The following ANKRD55 variants were observed in gnomAD, a reference collection of about 807,000 sequenced individuals.
ANKRD55 encodes ankyrin repeat domain 55, also known as ankyrin repeat domain-containing protein 55.
ANKRD55 carries 41 observed loss-of-function variants against 60.6 expected under a neutral mutation model. The observed-to-expected ratio is 0.68, with a 90% CI of 0.53 to 0.88. The LOEUF (loss-of-function observed/expected upper bound fraction) is 0.88, where lower values mean the gene tolerates loss of function less well. ANKRD55 is among the 40% of genes least tolerant of loss of function. ANKRD55 has a pLI of 0.00. For missense variants in ANKRD55, 732 were observed against 767.6 expected, an observed-to-expected ratio of 0.95 and a Z score of 0.55; for synonymous variants, 264 against 290.3, an observed-to-expected ratio of 0.91 and a Z score of 0.92.
At chr5:56,183,286 C>A (rs1758889879) in intron 3 of ANKRD55, among the ~76,000 whole-genome samples, 1 of 152,178 alleles carries the variant, frequency 6.6e-6, no homozygotes, top group African/African-American at 2.4e-5. Context: ...TCTTTCCGTA[C>A]CTTTTCCTAA....
At chr5:56,164,307 G>A (rs908371172) in intron 5 of ANKRD55, among the ~76,000 whole-genome samples, 3 of 151,906 alleles carry the variant, frequency 2.0e-5, no homozygotes, top group East Asian at 1.9e-4. Context: ...GCTGGCCAGC[G>A]CAGTGACAGG....
chr5:56,111,771 G>C lies in ANKRD55; in HGVS notation c.977C>G (p.Thr326Ser). ...ACTGCTCTGGGAGGGAGGGGGTCGA[G>C]TAGGCTCTGTTCTATGCGAATATAA... ...LLSQESRTEP[T>S]RPPPSQSSRP... The change falls in exon 10 of 12, where the codon ACT becomes AGT. Residue 326 changes from threonine (T) to serine (S), a missense_variant. Physicochemically the swap from Thr to Ser is moderately conservative, Grantham distance 58 (BLOSUM62 1). Around this residue, in one of 3 missense-constraint regions of ANKRD55, gnomAD observed 597 missense variants for 607.5 expected, o/e 0.98. Coordinates refer to ENST00000341048, the MANE Select transcript of ANKRD55 (RefSeq NM_024669.3). The C allele has an allele frequency of 6.6e-7, 1 of 1,512,102 alleles. No homozygotes were observed. Among genetic ancestry groups the C allele is most frequent in the Non-Finnish European group, 8.8e-7 (1 of 1,134,864 alleles). 93.7% of individuals were successfully genotyped at this position (1,512,102 alleles called of 1,614,324 possible).
chr5:56,153,122 A>T lies in ANKRD55; in HGVS notation c.483+6711T>A, dbSNP rs576073678. Among the ~76,000 whole-genome samples the T allele has an allele frequency of 2.6e-5, 4 of 151,268 alleles. No homozygotes were observed. In the South Asian group the frequency reaches 8.4e-4, roughly 32 times the overall value. ...CAACCCAATGGATCAATCGACAAAG[A>T]ATGTAAACAGGCAAGTCACAAAAGA... On this transcript the variant is annotated intron_variant, in intron 6 of 11. Transcript: ENST00000341048.
chr5:56,190,507 G>A (rs1022446856), intron 2 of ANKRD55, among the ~76,000 whole-genome samples: 2 of 152,162 alleles, frequency 1.3e-5, no homozygotes, highest in African/African-American at 2.4e-5. Context: ...TATATATGGT[G>A]TAAAGTAAGG....
chr5:56,145,869 G>C (rs1444454442), intron 6 of ANKRD55, among the ~76,000 whole-genome samples: 1 of 152,128 alleles, frequency 6.6e-6, no homozygotes, highest in Non-Finnish European at 1.5e-5. Flanking sequence ...AACAATGCTG[G>C]TATAAAAGCA....
intron 9 of ANKRD55, chr5:56,114,209 T>A (rs910870468): frequency 6.0e-6 from 1 of 167,040 alleles, no homozygotes. Flanking sequence ...ATGCCTGTAA[T>A]CCCAGCCACT....
chr5:56,144,604 A>G (rs1414772165), intron 6 of ANKRD55, among the ~76,000 whole-genome samples: 2 of 152,202 alleles, frequency 1.3e-5, no homozygotes, highest in African/African-American at 2.4e-5. Context: ...TGCATAACAC[A>G]TTTGGAATTT....
At chr5:56,188,363 T>G (rs160931) in intron 2 of ANKRD55, among the ~76,000 whole-genome samples, 1 of 143,056 alleles carries the variant, frequency 7.0e-6, no homozygotes, top group African/African-American at 2.5e-5. Context: ...GCCACCCCCC[T>G]ACAACCAAAA....
chr5:56,231,220 G>A (rs1030879679), intron 2 of ANKRD55, among the ~76,000 whole-genome samples: 1 of 152,220 alleles, frequency 6.6e-6, no homozygotes, highest in Non-Finnish European at 1.5e-5. Context: ...ATGGCAGGGA[G>A]AGGGTTAACT....
intron 2 of ANKRD55, among the ~76,000 whole-genome samples, chr5:56,203,981 A>T (rs1759441205): frequency 6.6e-6 from 1 of 151,474 alleles, no homozygotes; most frequent in Admixed American, 6.6e-5. Context: ...ATTTCTCCAC[A>T]TCCTCTCCAG....
At chr5:56,174,860 A>G (rs1758704271) in intron 4 of ANKRD55, among the ~76,000 whole-genome samples, 1 of 151,066 alleles carries the variant, frequency 6.6e-6, no homozygotes, top group South Asian at 2.1e-4. Flanking sequence ...AAAATTGCCA[A>G]GGAGGTTTGT....
chr5:56,127,473 C>A, intron 7 of ANKRD55: 1 of 984,860 alleles, frequency 1.0e-6, no homozygotes, highest in South Asian at 4.7e-5. Context: ...CATTTGTGTC[C>A]CCATTTGCTG....
chr5:56,132,592 A>G (rs1757453224), intron 7 of ANKRD55, among the ~76,000 whole-genome samples: 1 of 145,296 alleles, frequency 6.9e-6, no homozygotes, highest in Non-Finnish European at 1.5e-5. Context: ...CTCTATCTAA[A>G]AAAAAAAAAA....
At chr5:56,217,698 T>C (rs1311817619) in intron 2 of ANKRD55, among the ~76,000 whole-genome samples, 4 of 152,040 alleles carry the variant, frequency 2.6e-5, no homozygotes, top group Admixed American at 2.6e-4. Context: ...ATTGAGACCG[T>C]CCTGGCTAAC....
chr5:56,182,995 T>C (rs1758883667), intron 3 of ANKRD55, among the ~76,000 whole-genome samples: 1 of 152,228 alleles, frequency 6.6e-6, no homozygotes, highest in Non-Finnish European at 1.5e-5. Flanking sequence ...GTTGCCAGCT[T>C]CTTCAGCATC....
At chr5:56,200,887 A>T (rs1759349146) in intron 2 of ANKRD55, among the ~76,000 whole-genome samples, 1 of 152,222 alleles carries the variant, frequency 6.6e-6, no homozygotes, top group Non-Finnish European at 1.5e-5. Context: ...CATTTTGGAC[A>T]ACCACAGAGG....
intron 5 of ANKRD55, among the ~76,000 whole-genome samples, chr5:56,166,153 T>TTCTTTC (rs1561277854): frequency 4.0e-5 from 2 of 49,504 alleles, no homozygotes; most frequent in African/African-American, 1.6e-4. Flanking sequence ...TTTCTTTCTT[T>TTCTTTC]CTTCTTTCCT....
At position 56,167,666 on chromosome 5, in the gene ANKRD55, G is replaced by A. The variant is rs116279960; in HGVS notation, c.422+3028C>T. ...CTTTTTGGACAATATAACTAACTAC[G>A]TCATCTGCACACAGAAGGATGTTTA... On this transcript the variant is annotated intron_variant, in intron 5 of 11. Transcript: ENST00000341048. Among the ~76,000 whole-genome samples the A allele has an allele frequency of 4.5e-3, 688 of 152,222 alleles. 3 individuals carry two copies. Among genetic ancestry groups the A allele is most frequent in the Non-Finnish European group, 7.8e-3 (529 of 68,020 alleles).
chr5:56,153,107 G>T (rs1758096583), intron 6 of ANKRD55, among the ~76,000 whole-genome samples: 1 of 151,910 alleles, frequency 6.6e-6, no homozygotes, highest in Admixed American at 6.6e-5. Context: ...CAACCCAATG[G>T]ATCAATCGAC....
Sources: gnomAD v4.1 joint callset for allele counts (sites outside exome capture counted in the v4.1 genomes callset) on GRCh38, gnomAD v4.1.1 for gene constraint, gnomAD v4.1.1 regional missense constraint, MANE v1.5 for transcripts, NCBI Gene and HGNC (gene_info 2026-07-23, HGNC 2026-07-21) for gene names.